THOC1: variants seen among roughly 807,000 people sequenced by gnomAD.
THOC1 encodes the protein THO complex subunit 1.
Under a neutral mutation model 97.3 loss-of-function variants are expected in THOC1, and 29 were observed. The ratio of observed to expected loss-of-function variants is 0.30; its 90% CI spans 0.22 to 0.41. The LOEUF (loss-of-function observed/expected upper bound fraction) is 0.41. THOC1 is among the 10% of genes least tolerant of loss of function. THOC1 has a pLI of 1.00. For synonymous variants in THOC1, 255 were observed against 257.0 expected (o/e 0.99, Z 0.07); for missense variants, 529 against 761.9 (o/e 0.69, Z 3.60).
rs962652454 is a variant in THOC1 at position 242,238 on chromosome 18, A to C, written c.918+4086T>G. Among the ~76,000 whole-genome samples, 2 of 151,582 alleles carry C rather than the reference A, an allele frequency of 1.3e-5. No individual in the cohort carries two copies. The highest frequency in any genetic ancestry group is 4.9e-5 in the African/African-American group (2 of 40,898). ...ACGCCTGTAATCCCTGCACTTTGGAAGGCTGAGGCAGGCAGATCACCTGAG... is the reference window on the plus strand; with the variant it reads ...ACGCCTGTAATCCCTGCACTTTGGACGGCTGAGGCAGGCAGATCACCTGAG... On this transcript the variant is annotated intron_variant, in intron 11 of 20. Transcript: ENST00000261600. This position sits in a 1 kb window ranked among gnomAD's most constrained non-coding sequence, Gnocchi z 4.5.
At chr18:246,175 G>T in intron 11 of THOC1, 149 bp downstream of exon 11, 1 of 625,054 alleles carries the variant, frequency 1.6e-6, no homozygotes, top group Non-Finnish European at 2.6e-6. Context: ...GAAGAAATGG[G>T]ACTTTCAAAC....
At chr18:219,903 T>C (rs1022363018) in intron 17 of THOC1, among the ~76,000 whole-genome samples, 1 of 152,202 alleles carries the variant, frequency 6.6e-6, no homozygotes, top group Non-Finnish European at 1.5e-5. Context: ...ATTGTTACCA[T>C]GGTAGCATGG....
intron 19 of THOC1, chr18:215,729 C>T (rs906670061): frequency 4.7e-5 from 22 of 465,218 alleles, no homozygotes; most frequent in Non-Finnish European, 8.1e-5. Context: ...AGACTCCCCA[C>T]CCCCAATCTG....
At position 214,897 on chromosome 18, in the gene THOC1, G is replaced by C. The variant is rs1910813996; in HGVS notation, c.1703C>G (p.Pro568Arg). Residue 568 changes from proline to arginine, a missense_variant, in exon 21 of 21, where the codon CCT becomes CGT. By Grantham distance (103) the Pro-to-Arg change is moderately radical. This residue lies in a region of THOC1 where 98 missense variants were observed against 111.9 expected (regional missense o/e 0.88). Transcript: ENST00000261600. ...NESPDVRRDK[P>R]VTGEQIEVFA... ...TACCTCTATTTGTTCTCCTGTTACA[G>C]GTTTGTCTCGCCGAACATCAGGACC... 9.9e-6 allele frequency: 16 copies of C among 1,613,842 alleles called. No individual in the cohort carries two copies. The highest frequency in any genetic ancestry group is 1.4e-5 in the Non-Finnish European group (16 of 1,179,828).
At chr18:256,134 G>T (rs1175664531) in intron 7 of THOC1, among the ~76,000 whole-genome samples, 1 of 152,170 alleles carries the variant, frequency 6.6e-6, no homozygotes, top group Non-Finnish European at 1.5e-5. Context: ...GCAGCCAAAG[G>T]ATCAAAGGGT....
intron 5 of THOC1, 24 bp downstream of exon 5, chr18:260,162 A>G: frequency 7.1e-7 from 1 of 1,403,844 alleles, no homozygotes; most frequent in Non-Finnish European, 9.6e-7. Context: ...TAAAGTTAGC[A>G]GGAAAAGAAA....
intron 6 of THOC1, 74 bp downstream of exon 6, chr18:259,608 A>T: frequency 9.1e-7 from 1 of 1,096,588 alleles, no homozygotes; most frequent in Non-Finnish European, 1.3e-6. Flanking sequence ...TATCACTGGT[A>T]TTTAATTCAA....
chr18:226,070 T>C (rs1043277840), intron 12 of THOC1: 1 of 152,290 alleles, frequency 6.6e-6, no homozygotes, highest in Non-Finnish European at 1.5e-5. Context: ...TACTATGCTA[T>C]ACCAAACCTC....
In THOC1 at chr18:240,507, C is replaced by T. The variant is rs556337834; in HGVS notation, c.918+5817G>A. On this transcript the variant is annotated intron_variant, in intron 11 of 20. Coordinates refer to ENST00000261600, the MANE Select transcript of THOC1 (RefSeq NM_005131.3). The stretch of plus-strand genomic sequence containing the variant: ...AACAGAGGGTAGTTCATGCTTTCCG[C>T]CCTGAAGACCATTACAAGTCAATTT... Among the ~76,000 whole-genome samples, 6 of 152,302 alleles carry T rather than the reference C, an allele frequency of 3.9e-5. No homozygotes were observed. In the East Asian group the frequency reaches 1.2e-3, roughly 29 times the overall value.
intron 11 of THOC1, among the ~76,000 whole-genome samples, chr18:230,897 A>AG (rs1465342608): frequency 6.6e-6 from 1 of 152,116 alleles, no homozygotes; most frequent in African/African-American, 2.4e-5. Context: ...CACAATGCCC[A>AG]GCTAATTTTT....
chr18:221,800 G>A (rs1276644251), intron 17 of THOC1, among the ~76,000 whole-genome samples: 1 of 151,940 alleles, frequency 6.6e-6, no homozygotes, highest in Admixed American at 6.6e-5. Flanking sequence ...AGTAGAGACG[G>A]GGTTTCACCG....
At position 214,557 on chromosome 18, in the gene THOC1, G is replaced by T; in HGVS notation, c.*69C>A. On this transcript the variant is annotated 3_prime_UTR_variant, in exon 21 of 21. Coordinates refer to ENST00000261600, the MANE Select transcript of THOC1 (RefSeq NM_005131.3). ...TGTTTATTGTTTACCAAAACCAGTG[G>T]ACCTCTTATCAAATGCTGCTTGGTA... 8.0e-7 allele frequency: 1 copy of T among 1,251,810 alleles called. No individual in the cohort carries two copies. Among genetic ancestry groups the T allele is most frequent in the Non-Finnish European group, 1.1e-6 (1 of 889,980 alleles). 77.5% of individuals were successfully genotyped at this position (1,251,810 alleles called of 1,614,324 possible).
chr18:225,133 A>G lies in THOC1; in HGVS notation c.1093T>C (p.Ser365Pro). 1 of 1,573,560 alleles carries G rather than the reference A, an allele frequency of 6.4e-7. No individual in the cohort carries two copies. The highest frequency in any genetic ancestry group is 8.6e-7 in the Non-Finnish European group (1 of 1,158,440). The change falls in exon 14 of 21, where the codon TCT becomes CCT. Residue 365 changes from serine to proline, a missense_variant. Ser to Pro is a moderately conservative substitution (Grantham distance 74). Transcript: ENST00000261600. Reference sequence around the variant, plus strand: ...CTTTCTCCATCGGGGGGGTTTTCAGATAGTAGCTGTGATTAGAAAGAATAT... The same window carrying G: ...CTTTCTCCATCGGGGGGGTTTTCAGGTAGTAGCTGTGATTAGAAAGAATAT... Reference protein sequence around the residue: ...DTTKSVYQLLSENPPDGERFS... With the variant: ...DTTKSVYQLLPENPPDGERFS...
chr18:267,730 G>A (rs2143319672), intron 1 of THOC1, among the ~76,000 whole-genome samples: 1 of 152,350 alleles, frequency 6.6e-6, no homozygotes, highest in African/African-American at 2.4e-5. Flanking sequence ...GAGGCGCCCA[G>A]CACGCAGTCC....
At chr18:231,853 C>T (rs1288322741) in intron 11 of THOC1, among the ~76,000 whole-genome samples, 1 of 152,188 alleles carries the variant, frequency 6.6e-6, no homozygotes, top group Non-Finnish European at 1.5e-5. Context: ...AAACTCTACA[C>T]ATTATGTGCT....
chr18:241,923 A>T (rs1911916176), intron 11 of THOC1, among the ~76,000 whole-genome samples: 1 of 152,238 alleles, frequency 6.6e-6, no homozygotes. Flanking sequence ...TTAGAAAATA[A>T]GCAACCCAGG....
intron 9 of THOC1, among the ~76,000 whole-genome samples, chr18:252,302 G>C (rs1912303302): frequency 6.6e-6 from 1 of 151,994 alleles, no homozygotes. Flanking sequence ...TCAAATGCTG[G>C]GATTATGCAT....
chr18:251,165 T>A (rs1912267097), intron 9 of THOC1, among the ~76,000 whole-genome samples: 1 of 152,208 alleles, frequency 6.6e-6, no homozygotes, highest in Non-Finnish European at 1.5e-5. Context: ...GTGGCATTAC[T>A]ACATTTTAAA....
intron 7 of THOC1, 97 bp downstream of exon 7, chr18:259,083 T>C: frequency 1.1e-6 from 1 of 924,730 alleles, no homozygotes. Context: ...TTTCAACTTT[T>C]TAGAACCATT....
Sources: allele counts gnomAD v4.1 joint callset (sites outside exome capture counted in the v4.1 genomes callset), GRCh38; gene constraint gnomAD v4.1.1; regional missense constraint gnomAD v4.1.1; non-coding constraint Gnocchi (gnomAD v3.1); transcripts MANE v1.5; gene names NCBI Gene and HGNC (gene_info 2026-07-23, HGNC 2026-07-21).